The following IL7 variants were observed in gnomAD, a reference collection of about 807,000 sequenced individuals.
The protein encoded by IL7 is interleukin-7.
Under a neutral mutation model 21.6 loss-of-function variants are expected in IL7, and 3 were observed. The ratio of observed to expected loss-of-function variants is 0.14; its 90% CI spans 0.06 to 0.36. IL7 has a LOEUF of 0.36. Ranked by LOEUF, IL7 falls within the 10% of genes least tolerant of loss-of-function variation. The pLI is 1.00. For synonymous variants in IL7, 62 were observed against 68.1 expected (o/e 0.91, Z 0.44); for missense variants, 175 against 200.2 (o/e 0.87, Z 0.76).
Position 78,770,010 on chromosome 8 carries a change from C to T in IL7, c.147+28062G>A, listed in dbSNP as rs1453307667. Among the ~76,000 whole-genome samples the T allele has an allele frequency of 3.9e-5, 6 of 152,130 alleles. No individual in the cohort carries two copies. The East Asian group carries it at 1.2e-3, about 29-fold the overall frequency. On this transcript the variant is annotated intron_variant, in intron 2 of 5. Coordinates refer to ENST00000263851, the MANE Select transcript of IL7 (RefSeq NM_000880.4). ...TAGAAAGCTGAAACTGGATCCCTTC[C>T]TTACACCTGATACAAAAAATAATTC...
intron 5 of IL7, chr8:78,721,019 C>A (rs902479001): frequency 7.2e-5 from 11 of 151,928 alleles, no homozygotes; most frequent in Admixed American, 4.6e-4. Flanking sequence ...TTTGTACTTA[C>A]CATTGAAAAA....
chr8:78,761,929 G>T (rs2130764624), intron 2 of IL7: 3 of 1,611,322 alleles, frequency 1.9e-6, no homozygotes, highest in Non-Finnish European at 2.5e-6. Flanking sequence ...GTAGATATTT[G>T]AGGTATTCTT....
At chr8:78,721,567 G>C (rs935385302) in intron 3 of IL7, 2 of 152,012 alleles carry the variant, frequency 1.3e-5, no homozygotes, top group Non-Finnish European at 2.9e-5. Context: ...ATTTGCAACA[G>C]TGAGGCTGGG....
intron 3 of IL7, chr8:78,698,368 A>T: frequency 6.8e-7 from 1 of 1,478,022 alleles, no homozygotes; most frequent in Non-Finnish European, 9.3e-7. Flanking sequence ...TGTTTTATGT[A>T]ACCTTTTTTA....
In IL7 at chr8:78,773,787, C is replaced by A. The variant is rs536063363; in HGVS notation, c.147+24285G>T. ...ATGTATTTCTGACTGAGATGCTTAT[C>A]CACTTTGACTGGAGAAGCCAATTAG... On this transcript the variant is annotated intron_variant, in intron 2 of 5. Transcript: ENST00000263851. 2.0e-5 allele frequency among the ~76,000 whole-genome samples: 3 copies of A among 152,144 alleles called. No individual in the cohort carries two copies. The South Asian group carries it at 6.2e-4, about 32-fold the overall frequency.
chr8:78,778,068 T>G (rs954522370), intron 2 of IL7, among the ~76,000 whole-genome samples: 1 of 152,016 alleles, frequency 6.6e-6, no homozygotes. Context: ...CCCTAAACAT[T>G]TTCAACTGTA....
rs538818172 is a variant in IL7, at chr8:78,678,597, C to T, written n.274-2493G>A. 1.9e-5 allele frequency: 31 copies of T among 1,611,806 alleles called. No homozygotes were observed. The Middle Eastern group carries it at 6.6e-4, about 34-fold the overall frequency. On this transcript the variant is annotated intron_variant and non_coding_transcript_variant, in intron 4 of 4. Transcript: ENST00000523959. The stretch of plus-strand genomic sequence containing the variant: ...GGACCCATTTGCCAGAAGACTGCAA[C>T]TAAAAAACGGAAGACTTTTGATTCA...
chr8:78,802,293 A>T (rs1814091746), intron 1 of IL7, among the ~76,000 whole-genome samples: 1 of 152,168 alleles, frequency 6.6e-6, no homozygotes. Context: ...CATTGCATAG[A>T]CCTATTTTCA....
chr8:78,704,581 A>T (rs772868053), intron 3 of IL7, among the ~76,000 whole-genome samples: 1 of 151,904 alleles, frequency 6.6e-6, no homozygotes, highest in Non-Finnish European at 1.5e-5. Context: ...TGTCTTGTGG[A>T]TGATCATCTC....
At chr8:78,771,294 C>G (rs1425434766) in intron 2 of IL7, among the ~76,000 whole-genome samples, 4 of 151,964 alleles carry the variant, frequency 2.6e-5, no homozygotes, top group Non-Finnish European at 5.9e-5. Flanking sequence ...TTTGATTGGT[C>G]TAAGACTTAG....
chr8:78,696,687 G>A (rs1031176013), intron 3 of IL7, among the ~76,000 whole-genome samples: 1 of 152,102 alleles, frequency 6.6e-6, no homozygotes, highest in Non-Finnish European at 1.5e-5. Flanking sequence ...AATTTAAGAT[G>A]GTCTGGTGAG....
intron 2 of IL7, among the ~76,000 whole-genome samples, chr8:78,797,411 A>G (rs1813892301): frequency 6.6e-6 from 1 of 152,152 alleles, no homozygotes; most frequent in South Asian, 2.1e-4. Context: ...TATGTAATGT[A>G]TCAATGCTGG....
chr8:78,737,931 T>C (rs1287544686), intron 4 of IL7, among the ~76,000 whole-genome samples: 2 of 152,164 alleles, frequency 1.3e-5, no homozygotes, highest in Non-Finnish European at 2.9e-5. Flanking sequence ...CTGCATTTTG[T>C]AGATAAGGAA....
At chr8:78,783,407 C>A (rs1813407093) in intron 2 of IL7, among the ~76,000 whole-genome samples, 1 of 152,136 alleles carries the variant, frequency 6.6e-6, no homozygotes, top group African/African-American at 2.4e-5. Flanking sequence ...TGCTTTCTGT[C>A]AGTTGCACCA....
At position 78,689,403 on chromosome 8, in the gene IL7, C is replaced by T. The variant is rs78933754; in HGVS notation, n.215-3456G>A. On this transcript the variant is annotated intron_variant and non_coding_transcript_variant, in intron 3 of 4. Transcript: ENST00000523959. ...GTTCAGTTTTAATAATTGCTATAAA[C>T]GAGAAAATGGCTCATGGACATTCAT... The T allele has an allele frequency of 3.0e-4, 455 of 1,525,742 alleles. 4 individuals are homozygous for T. The African/African-American group carries it at 5.5e-3, about 18-fold the overall frequency. The allele number at this position is 1,525,742 out of a possible 1,614,324, so 94.5% of individuals were successfully genotyped here.
At chr8:78,760,660 T>C (rs1812522176) in intron 2 of IL7, 2 of 1,593,598 alleles carry the variant, frequency 1.3e-6, no homozygotes, top group Admixed American at 1.7e-5. Context: ...TATCTTTAAG[T>C]TCCTGAATAA....
chr8:78,683,514 C>T (rs1416939194), intron 4 of IL7, among the ~76,000 whole-genome samples: 2 of 152,180 alleles, frequency 1.3e-5, no homozygotes, highest in African/African-American at 2.4e-5. Flanking sequence ...GCAGCTGGGA[C>T]GCAGGGCACC....
In IL7 at chr8:78,805,099, C is replaced by A; in HGVS notation, c.-177G>T. 1 of 610,260 alleles carries A rather than the reference C, an allele frequency of 1.6e-6. No individual in the cohort carries two copies. The allele number at this position is 610,260 out of a possible 1,614,324, so 37.8% of individuals were successfully genotyped here. A position where few individuals can be genotyped will look rare whatever the true frequency, so the allele number is the denominator to read the frequency against. ...ACGCCGCGACTGCAGTTTCATCCAT[C>A]CCAAGGGGGGCGGCACACACTACGG... On this transcript the variant is annotated 5_prime_UTR_variant, in exon 1 of 6. Transcript: ENST00000263851.
intron 3 of IL7, among the ~76,000 whole-genome samples, chr8:78,723,092 AATATAT>A (rs71264200): frequency 2.7e-4 from 38 of 140,496 alleles, no homozygotes; most frequent in Non-Finnish European, 5.6e-4. Flanking sequence ...TAGAAGTACA[AATATAT>A]ATATATATAT....
Sources: allele counts gnomAD v4.1 joint callset (sites outside exome capture counted in the v4.1 genomes callset), GRCh38; gene constraint gnomAD v4.1.1; transcripts MANE v1.5; gene names NCBI Gene and HGNC (gene_info 2026-07-23, HGNC 2026-07-21).